The following USP34 variants were observed in gnomAD, a reference collection of about 807,000 sequenced individuals.
The protein encoded by USP34 is ubiquitin carboxyl-terminal hydrolase 34.
A neutral mutation model predicts 460.3 loss-of-function variants in USP34; 70 were observed. That is an observed-to-expected ratio of 0.15 (90% CI 0.13 to 0.19). The LOEUF (loss-of-function observed/expected upper bound fraction) is 0.19. USP34 is among the 10% of genes least tolerant of loss of function. The pLI, the probability that USP34 is intolerant of heterozygous loss-of-function variation, is 1.00. For missense variants in USP34, 3,985 were observed against 4,236.2 expected (o/e 0.94, Z 1.65); for synonymous variants, 1,647 against 1,405.3 (o/e 1.17, Z -3.85).
chr2:61,219,042 C>A (rs1272803114), intron 67 of USP34, among the ~76,000 whole-genome samples: 2 of 152,140 alleles, frequency 1.3e-5, no homozygotes, highest in Non-Finnish European at 2.9e-5. Flanking sequence ...ATATGGAATT[C>A]TTTTGTATGG....
intron 1 of USP34, among the ~76,000 whole-genome samples, chr2:61,449,128 G>C (rs1471571997): frequency 1.3e-5 from 2 of 150,028 alleles, no homozygotes; most frequent in Non-Finnish European, 3.0e-5. Context: ...CTGCACTCCA[G>C]CCTGGGCAAC....
At chr2:61,194,626 G>A (rs1686741826) in intron 75 of USP34, among the ~76,000 whole-genome samples, 1 of 152,200 alleles carries the variant, frequency 6.6e-6, no homozygotes, top group Non-Finnish European at 1.5e-5. Context: ...AGCCTCCGTA[G>A]TAGCTAAGAC....
intron 57 of USP34, among the ~76,000 whole-genome samples, chr2:61,234,021 G>C (rs1427774839): frequency 1.3e-5 from 2 of 152,028 alleles, no homozygotes; most frequent in Non-Finnish European, 2.9e-5. Flanking sequence ...GGAAAAAAAA[G>C]GAATAGGGGA....
At chr2:61,466,543 G>A (rs889791722) in intron 1 of USP34, among the ~76,000 whole-genome samples, 1 of 152,112 alleles carries the variant, frequency 6.6e-6, no homozygotes, top group Non-Finnish European at 1.5e-5. Context: ...ATCACTATAC[G>A]TTTTATGTAT....
intron 12 of USP34, among the ~76,000 whole-genome samples, chr2:61,349,613 G>A (rs909007820): frequency 6.6e-6 from 1 of 152,114 alleles, no homozygotes; most frequent in African/African-American, 2.4e-5. Flanking sequence ...GGCCAAGGCG[G>A]ATGGATGACA....
In USP34 at chr2:61,188,717, AAC is replaced by A. The variant is rs752350929; in HGVS notation, c.10034-10_10034-9del. The stretch of plus-strand genomic sequence containing the variant: ...GAGTTGCTCCTTCATCATCTGTGAA[AAC>A]ACATGCCAAAAGGGAAACTTCTCTG... On this transcript the variant is annotated splice_polypyrimidine_tract_variant and intron_variant, in intron 79 of 79. Coordinates refer to ENST00000398571, the MANE Select transcript of USP34 (RefSeq NM_014709.4). 2 of 1,607,778 alleles carry A rather than the reference AAC, an allele frequency of 1.2e-6. No homozygotes were observed. Among genetic ancestry groups the A allele is most frequent in the African/African-American group, 2.7e-5 (2 of 74,504 alleles).
chr2:61,224,956 G>A (rs1329440358), intron 62 of USP34, among the ~76,000 whole-genome samples: 2 of 152,138 alleles, frequency 1.3e-5, no homozygotes, highest in Non-Finnish European at 2.9e-5. Context: ...CCCAAGAACT[G>A]TAACTAGTCG....
chr2:61,270,288 A>T (rs145419147), intron 41 of USP34, among the ~76,000 whole-genome samples: 1 of 152,230 alleles, frequency 6.6e-6, no homozygotes, highest in African/African-American at 2.4e-5. Flanking sequence ...CCGTGAATCA[A>T]AAAGTAGGCC....
intron 2 of USP34, among the ~76,000 whole-genome samples, chr2:61,415,453 C>G (rs1477365180): frequency 1.3e-5 from 2 of 152,012 alleles, no homozygotes; most frequent in Non-Finnish European, 2.9e-5. Context: ...TAGAACTACC[C>G]TAAGAATTGA....
At chr2:61,411,998 T>G (rs1030209999) in intron 2 of USP34, among the ~76,000 whole-genome samples, 1 of 151,990 alleles carries the variant, frequency 6.6e-6, no homozygotes, top group South Asian at 2.1e-4. Context: ...GAGATCAGCC[T>G]GACCAACATG....
At chr2:61,413,638 A>G (rs550810812) in intron 2 of USP34, among the ~76,000 whole-genome samples, 324 of 129,180 alleles carry the variant, frequency 2.5e-3, no homozygotes, top group Middle Eastern at 0.01. Context: ...CCATCCTGGC[A>G]ATACAGTGAG....
At chr2:61,198,923 C>G (rs1553348772) in intron 75 of USP34, among the ~76,000 whole-genome samples, 3 of 152,138 alleles carry the variant, frequency 2.0e-5, no homozygotes, top group Non-Finnish European at 2.9e-5. Flanking sequence ...TTACCAAACA[C>G]TTTTTTGTGT....
At position 61,203,242 on chromosome 2, in the gene USP34, G is replaced by A. The variant is rs1687026110; in HGVS notation, c.9406C>T (p.Arg3136Cys). Residue 3136 changes from arginine (R) to cysteine (C), a missense_variant, in exon 75 of 80, where the codon CGT becomes TGT. This residue lies in a region of USP34 where 3 missense variants were observed against 19.4 expected (regional missense o/e 0.15). Transcript: ENST00000398571. ...TSKGKDDVYD[R>C]MLLDYFFSYH... The stretch of plus-strand genomic sequence containing the variant: ...GAAAAGAAGTAGTCTAGCAGCATAC[G>A]ATCATAAACGTCATCTTTGCCCTGA... The A allele has an allele frequency of 1.9e-6, 3 of 1,569,424 alleles. No homozygotes were observed. Among genetic ancestry groups the A allele is most frequent in the Admixed American group, 1.8e-5 (1 of 56,240 alleles).
intron 7 of USP34, among the ~76,000 whole-genome samples, chr2:61,378,912 C>CGAAAAAAAA (rs1692879123): frequency 1.2e-4 from 1 of 8,628 alleles, no homozygotes; most frequent in Non-Finnish European, 2.1e-4. Context: ...CTCAAAAAAA[C>CGAAAAAAAA]GAAAAAAAAA....
intron 1 of USP34, among the ~76,000 whole-genome samples, chr2:61,435,130 C>T (rs955109981): frequency 6.6e-6 from 1 of 151,300 alleles, no homozygotes; most frequent in Non-Finnish European, 1.5e-5. Context: ...GTGGTGAGAC[C>T]CCATCTCTAC....
chr2:61,411,704 C>T (rs1039030646), intron 2 of USP34, among the ~76,000 whole-genome samples: 1 of 152,030 alleles, frequency 6.6e-6, no homozygotes, highest in African/African-American at 2.4e-5. Flanking sequence ...AGAAAAAGCC[C>T]GTTTAGCCCC....
intron 12 of USP34, 94 bp downstream of exon 12, chr2:61,350,166 A>G (rs1216588106): frequency 7.5e-7 from 1 of 1,336,352 alleles, no homozygotes; most frequent in Admixed American, 2.4e-5. Context: ...CTTATTTTAA[A>G]ATAAAGATTG....
chr2:61,263,094 C>T (rs62152269), intron 43 of USP34, among the ~76,000 whole-genome samples: 25 of 151,790 alleles, frequency 1.6e-4, no homozygotes, highest in East Asian at 1.9e-4. Context: ...CTGCAACCTC[C>T]GCCTCCCAGG....
At chr2:61,236,781 C>CA (rs1688081480) in intron 53 of USP34, among the ~76,000 whole-genome samples, 1 of 152,174 alleles carries the variant, frequency 6.6e-6, no homozygotes. Flanking sequence ...AGACCTAAAT[C>CA]AGACGTGATT....
Sources: allele counts gnomAD v4.1 joint callset (sites outside exome capture counted in the v4.1 genomes callset), GRCh38; gene constraint gnomAD v4.1.1; regional missense constraint gnomAD v4.1.1; transcripts MANE v1.5; gene names NCBI Gene and HGNC (gene_info 2026-07-23, HGNC 2026-07-21).